CADM2: variants seen among roughly 807,000 people sequenced by gnomAD.
The protein encoded by CADM2 is cell adhesion molecule 2.
CADM2 carries 12 observed loss-of-function variants against 49.8 expected under a neutral mutation model. That is an observed-to-expected ratio of 0.24 (90% CI 0.15 to 0.39). CADM2 has a LOEUF of 0.39. Among genes scored for constraint, CADM2 ranks in the 10% least tolerant of loss-of-function variants. The probability of loss-of-function intolerance (pLI) is 1.00; values close to 1 mark genes in which losing one functional copy is unlikely to be tolerated. For synonymous variants in CADM2, 214 were observed against 175.4 expected (o/e 1.22, Z -1.74); for missense variants, 378 against 492.3 (o/e 0.77, Z 2.20).
At chr3:85,814,588 T>G (rs141199731) in intron 3 of CADM2, among the ~76,000 whole-genome samples, 2 of 152,190 alleles carry the variant, frequency 1.3e-5, no homozygotes, top group East Asian at 1.9e-4. Context: ...GGATCTGGTT[T>G]TTTGAAATGA....
intron 1 of CADM2, among the ~76,000 whole-genome samples, chr3:85,638,205 G>T (rs1483095916): frequency 6.6e-6 from 1 of 152,124 alleles, no homozygotes; most frequent in Non-Finnish European, 1.5e-5. Flanking sequence ...CTAGAAGATT[G>T]CAATTTGAAG....
intron 1 of CADM2, among the ~76,000 whole-genome samples, chr3:85,506,846 A>G (rs1014830682): frequency 2.0e-5 from 3 of 152,200 alleles, no homozygotes; most frequent in African/African-American, 7.2e-5. Flanking sequence ...TTTTATTAAA[A>G]GTAAAATTAT....
At chr3:85,504,227 T>C (rs1350154947) in intron 1 of CADM2, among the ~76,000 whole-genome samples, 2 of 150,344 alleles carry the variant, frequency 1.3e-5, no homozygotes, top group East Asian at 3.9e-4. Flanking sequence ...TCGCGGTGAG[T>C]GTTATAGCTC....
At chr3:85,975,724 G>T (rs560169560) in intron 8 of CADM2, among the ~76,000 whole-genome samples, 15 of 151,316 alleles carry the variant, frequency 9.9e-5, no homozygotes, top group Admixed American at 6.6e-4. Context: ...ATTTATAGTT[G>T]GTTAAATTAA....
At chr3:85,392,402 A>C (rs1011638989) in intron 1 of CADM2, among the ~76,000 whole-genome samples, 33 of 152,196 alleles carry the variant, frequency 2.2e-4, no homozygotes, top group African/African-American at 7.7e-4. Flanking sequence ...TTGATTATTA[A>C]TTTATAGTGA....
chr3:85,338,494 A>G (rs1013453024), intron 1 of CADM2, among the ~76,000 whole-genome samples: 3 of 151,612 alleles, frequency 2.0e-5, no homozygotes, highest in Non-Finnish European at 3.0e-5. Context: ...AATTACCATT[A>G]TCACCATCAT....
At chr3:85,416,146 C>A (rs1044044823) in intron 1 of CADM2, among the ~76,000 whole-genome samples, 3 of 151,914 alleles carry the variant, frequency 2.0e-5, no homozygotes, top group African/African-American at 7.2e-5. Flanking sequence ...AAATTGTATT[C>A]TTTTGTAATG....
chr3:85,733,326 G>A (rs1042738507), intron 2 of CADM2, among the ~76,000 whole-genome samples: 3 of 152,194 alleles, frequency 2.0e-5, no homozygotes, highest in African/African-American at 7.2e-5. Flanking sequence ...AGATGACCCA[G>A]TGGGTCAAAA....
chr3:86,014,125 G>A (rs1731904128), intron 8 of CADM2: 1 of 1,282,340 alleles, frequency 7.8e-7, no homozygotes, highest in South Asian at 1.6e-5. Flanking sequence ...TGGACACGCA[G>A]GCATGATGCT....
chr3:85,600,652 GTT>G (rs201475814), intron 1 of CADM2, among the ~76,000 whole-genome samples: 1 of 147,450 alleles, frequency 6.8e-6, no homozygotes, highest in Non-Finnish European at 1.5e-5. Context: ...CTTTTAAGTT[GTT>G]TTTTTTTTAA....
chr3:85,211,202 C>T (rs559256711), intron 1 of CADM2, among the ~76,000 whole-genome samples: 27 of 152,002 alleles, frequency 1.8e-4, no homozygotes, highest in Middle Eastern at 3.4e-3. Flanking sequence ...CTTAGCCTGG[C>T]GATAGGTTTG....
At chr3:85,960,393 A>G (rs1724667869) in intron 7 of CADM2, among the ~76,000 whole-genome samples, 1 of 152,074 alleles carries the variant, frequency 6.6e-6, no homozygotes, top group East Asian at 2.0e-4. Context: ...ATGTGATAAA[A>G]TTATGCTGAA....
At chr3:85,027,662 A>C (rs1455688136) in intron 1 of CADM2, among the ~76,000 whole-genome samples, 2 of 152,276 alleles carry the variant, frequency 1.3e-5, no homozygotes, top group Non-Finnish European at 2.9e-5. Flanking sequence ...GAATAATAAT[A>C]AAGTCAAATA....
chr3:85,373,591 A>G (rs1192416920), intron 1 of CADM2, among the ~76,000 whole-genome samples: 1 of 152,126 alleles, frequency 6.6e-6, no homozygotes, highest in Non-Finnish European at 1.5e-5. Context: ...CTCTGACCCC[A>G]CATTTTCCTT....
chr3:85,413,138 C>CAAAAAAAAAAAAAAAAAAAAAA (rs397973777), intron 1 of CADM2, among the ~76,000 whole-genome samples: 3 of 17,114 alleles, frequency 1.8e-4, no homozygotes, highest in African/African-American at 5.0e-4. Context: ...GACTCCGTCT[C>CAAAAAAAAAAAAAAAAAAAAAA]AAAAAAAAAA....
At chr3:85,417,987 A>G (rs1280879848) in intron 1 of CADM2, among the ~76,000 whole-genome samples, 1 of 152,182 alleles carries the variant, frequency 6.6e-6, no homozygotes, top group East Asian at 1.9e-4. Flanking sequence ...GTAGGAAGGT[A>G]CTGGAACCAA....
chr3:85,343,099 A>C (rs1576381928), intron 1 of CADM2, among the ~76,000 whole-genome samples: 2 of 152,306 alleles, frequency 1.3e-5, no homozygotes, highest in African/African-American at 4.8e-5. Flanking sequence ...TGTCACGCTG[A>C]AAATGGTAAT....
intron 1 of CADM2, among the ~76,000 whole-genome samples, chr3:85,311,365 T>G (rs919022986): frequency 7.8e-6 from 1 of 127,884 alleles, no homozygotes; most frequent in Non-Finnish European, 1.5e-5. Flanking sequence ...TTATTTATAT[T>G]TATTATTATT....
chr3:85,479,608 T>A (rs2039126799), intron 1 of CADM2, among the ~76,000 whole-genome samples: 1 of 151,894 alleles, frequency 6.6e-6, no homozygotes, highest in Admixed American at 6.6e-5. Flanking sequence ...TCAATGCATC[T>A]CCACCACTTC....
Sources: gnomAD v4.1 joint callset for allele counts (sites outside exome capture counted in the v4.1 genomes callset) on GRCh38, gnomAD v4.1.1 for gene constraint, MANE v1.5 for transcripts, NCBI Gene and HGNC (gene_info 2026-07-23, HGNC 2026-07-21) for gene names.